Variants in EMID1 observed in about 807,000 individuals in gnomAD.
EMID1 encodes EMI domain-containing protein 1.
Under a neutral mutation model 60.6 loss-of-function variants are expected in EMID1, and 40 were observed. The ratio of observed to expected loss-of-function variants is 0.66; its 90% confidence interval spans 0.51 to 0.86. The LOEUF (loss-of-function observed/expected upper bound fraction) is 0.86. Among genes scored for constraint, EMID1 ranks in the 40% least tolerant of loss-of-function variants. The probability of loss-of-function intolerance (pLI) is 0.00; values close to 1 mark genes in which losing one functional copy is unlikely to be tolerated. For synonymous variants in EMID1, 242 were observed against 231.0 expected, an observed-to-expected ratio of 1.05 and a Z score of -0.43; for missense variants, 585 against 597.1, an observed-to-expected ratio of 0.98 and a Z score of 0.21.
At position 29,243,485 on chromosome 22, in the gene EMID1, A is replaced by G; in HGVS notation, c.1115A>G (p.His372Arg). ...GPKGDPGEKSHWGEGLHQLRE... is the reference protein window; with the variant it reads ...GPKGDPGEKSRWGEGLHQLRE... ...AAGGGAGACCCTGGTGAGAAGAGCCACTGGGTAAGCTCTGGCCTGGCACTG... is the reference window on the plus strand; with the variant it reads ...AAGGGAGACCCTGGTGAGAAGAGCCGCTGGGTAAGCTCTGGCCTGGCACTG... Residue 372 changes from histidine (H) to arginine (R), a missense_variant, in exon 13 of 15, where the codon CAC becomes CGC. By Grantham distance (29) the His-to-Arg change is conservative. Coordinates refer to ENST00000334018, the MANE Select transcript of EMID1 (RefSeq NM_133455.4). The G allele has an allele frequency of 6.2e-7, 1 of 1,614,092 alleles. No individual in the cohort carries two copies. The highest frequency in any genetic ancestry group is 8.5e-7 in the Non-Finnish European group (1 of 1,180,012).
chr22:29,238,777 G>A (rs2041055553), intron 12 of EMID1, among the ~76,000 whole-genome samples: 1 of 134,176 alleles, frequency 7.5e-6, no homozygotes, highest in Non-Finnish European at 1.5e-5. Context: ...TGCCCAGGCT[G>A]GTCTTTCTGA....
intron 12 of EMID1, among the ~76,000 whole-genome samples, chr22:29,243,099 A>AC (rs1473540396): frequency 6.6e-6 from 1 of 151,648 alleles, no homozygotes; most frequent in Non-Finnish European, 1.5e-5. Flanking sequence ...GGCAACCTCA[A>AC]CCTCTGATTC....
chr22:29,253,772 T>G (rs985624045), intron 13 of EMID1, among the ~76,000 whole-genome samples: 2 of 152,170 alleles, frequency 1.3e-5, no homozygotes, highest in Non-Finnish European at 2.9e-5. Flanking sequence ...GCAAAAAGAA[T>G]GTGAAGTAAA....
chr22:29,258,687 A>G, intron 14 of EMID1, 130 bp from the exon 15 acceptor site: 2 of 1,392,222 alleles, frequency 1.4e-6, no homozygotes, highest in Non-Finnish European at 1.9e-6. Context: ...ACAGCTCTGC[A>G]GCCAGATACC....
chr22:29,226,518 G>T lies in EMID1; in HGVS notation c.432G>T (p.Glu144Asp). ...SGCLNCSKVSELTERLKVLEA... is the reference protein window; with the variant it reads ...SGCLNCSKVSDLTERLKVLEA... ...GTCTCAACTGCAGCAAAGTGTCAGA[G>T]CTGACAGAGCGGCTGAAGGTGCTGG... The change falls in exon 5 of 15, where the codon GAG (glutamate) becomes GAT (aspartate). Residue 144 changes from glutamate (E) to aspartate (D), a missense_variant. Coordinates refer to ENST00000334018, the MANE Select transcript of EMID1 (RefSeq NM_133455.4). The T allele has an allele frequency of 6.2e-7, 1 of 1,612,010 alleles. No individual in the cohort carries two copies. Among genetic ancestry groups the T allele is most frequent in the South Asian group, 1.1e-5 (1 of 90,660 alleles).
chr22:29,250,840 C>G lies in EMID1; in HGVS notation c.1120-3363C>G, dbSNP rs552769555. ...AAACTCCTGACCTCAGGTGATCCAT[C>G]CGCTTAGGCCTCCCAAAGTGCTGGG... is the stretch of plus-strand genomic sequence containing the variant. On this transcript the variant is annotated intron_variant, in intron 13 of 14. Coordinates refer to ENST00000334018, the MANE Select transcript of EMID1 (RefSeq NM_133455.4). 6.1e-5 allele frequency among the ~76,000 whole-genome samples: 9 copies of G among 146,708 alleles called. No individual in the cohort carries two copies. In the East Asian group the frequency reaches 1.8e-3, roughly 29 times the overall value.
intron 4 of EMID1, among the ~76,000 whole-genome samples, chr22:29,225,905 G>A (rs1247391731): frequency 2.0e-5 from 3 of 152,192 alleles, no homozygotes; most frequent in Non-Finnish European, 4.4e-5. Context: ...AGGCGGCCGG[G>A]GGAGCGGTGC....
chr22:29,255,955 C>T (rs1207698406), intron 14 of EMID1, among the ~76,000 whole-genome samples: 1 of 152,164 alleles, frequency 6.6e-6, no homozygotes, highest in African/African-American at 2.4e-5. Context: ...GGTGGTTAGA[C>T]ACCAGTGGGT....
chr22:29,240,823 G>C (rs1431315250), intron 12 of EMID1, among the ~76,000 whole-genome samples: 2 of 152,132 alleles, frequency 1.3e-5, no homozygotes. Flanking sequence ...CCCCCTGGAC[G>C]CACTTTCTCT....
At chr22:29,256,194 C>T (rs937188987) in intron 14 of EMID1, among the ~76,000 whole-genome samples, 7 of 152,054 alleles carry the variant, frequency 4.6e-5, no homozygotes, top group African/African-American at 7.2e-5. Context: ...ACTGAGAGGC[C>T]GGTCATGTTA....
chr22:29,219,468 C>A (rs187452703), intron 3 of EMID1, among the ~76,000 whole-genome samples: 9 of 152,142 alleles, frequency 5.9e-5, no homozygotes, highest in Non-Finnish European at 1.3e-4. Flanking sequence ...GACACTTGCC[C>A]GAGGTCGACC....
At chr22:29,210,271 G>C (rs1444279270) in intron 1 of EMID1, among the ~76,000 whole-genome samples, 1 of 101,292 alleles carries the variant, frequency 9.9e-6, no homozygotes, top group African/African-American at 3.7e-5. Context: ...TTTTTTTTTT[G>C]AGACGGAGTT....
intron 12 of EMID1, 137 bp from the exon 13 acceptor site, chr22:29,243,308 T>C: frequency 1.2e-6 from 1 of 829,142 alleles, no homozygotes; most frequent in Non-Finnish European, 1.9e-6. Context: ...TGGTTTTTGC[T>C]TTGTATCCAA....
intron 3 of EMID1, among the ~76,000 whole-genome samples, chr22:29,221,608 T>C (rs909684038): frequency 6.6e-6 from 1 of 152,160 alleles, no homozygotes; most frequent in Non-Finnish European, 1.5e-5. Flanking sequence ...TCTCCTGACC[T>C]CATGATCTGC....
chr22:29,247,685 C>T (rs1180415366), intron 13 of EMID1, among the ~76,000 whole-genome samples: 1 of 152,194 alleles, frequency 6.6e-6, no homozygotes, highest in Non-Finnish European at 1.5e-5. Context: ...GGGTGGAGTG[C>T]AGTGGTGTGA....
chr22:29,254,053 T>C, intron 13 of EMID1, 150 bp from the exon 14 acceptor site: 1 of 1,524,592 alleles, frequency 6.6e-7, no homozygotes, highest in Non-Finnish European at 8.8e-7. Context: ...CCTCACCTGG[T>C]CTTGTTCTGG....
intron 5 of EMID1, among the ~76,000 whole-genome samples, chr22:29,227,918 G>A (rs979907494): frequency 4.6e-5 from 7 of 151,944 alleles, no homozygotes; most frequent in African/African-American, 1.5e-4. Context: ...CACTTTGGGA[G>A]GTCAAGGAGG....
At chr22:29,252,836 T>G (rs1461016852) in intron 13 of EMID1, among the ~76,000 whole-genome samples, 6 of 152,174 alleles carry the variant, frequency 3.9e-5, no homozygotes, top group Admixed American at 2.6e-4. Context: ...TGCCAGATTG[T>G]GGACCTGGCA....
chr22:29,233,529 T>C, intron 9 of EMID1, 61 bp downstream of exon 9: 1 of 1,606,208 alleles, frequency 6.2e-7, no homozygotes. Context: ...GGGAATAGGG[T>C]TTGTGGCTAT....
Sources: allele counts gnomAD v4.1 joint callset (sites outside exome capture counted in the v4.1 genomes callset), GRCh38; gene constraint gnomAD v4.1.1; transcripts MANE v1.5; gene names NCBI Gene and HGNC (gene_info 2026-07-23, HGNC 2026-07-21).